EZH2: variants seen among roughly 807,000 people sequenced by gnomAD.
EZH2 encodes enhancer of zeste 2 polycomb repressive complex 2 subunit, also known as histone-lysine N-methyltransferase EZH2.
In EZH2, 18 loss-of-function variants were observed where a neutral mutation model predicts 98.4. That is an observed-to-expected ratio of 0.18 (90% CI 0.13 to 0.27). The LOEUF is 0.27. Among genes scored for constraint, EZH2 ranks in the 10% least tolerant of loss-of-function variants. The probability of loss-of-function intolerance (pLI) is 1.00; values close to 1 mark genes in which losing one functional copy is unlikely to be tolerated. For synonymous variants in EZH2, 338 were observed against 312.3 expected (o/e 1.08, Z -0.87); for missense variants, 470 against 935.1 (o/e 0.50, Z 6.49).
intron 1 of EZH2, chr7:148,883,344 A>G (rs1263527453): frequency 2.0e-5 from 3 of 152,306 alleles, no homozygotes; most frequent in Non-Finnish European, 2.9e-5. Flanking sequence ...CAGAAACACA[A>G]TCAATAGAGA....
intron 4 of EZH2, among the ~76,000 whole-genome samples, chr7:148,831,872 T>C (rs116660167): frequency 0.011 from 1,743 of 152,336 alleles, 27 homozygotes; most frequent in African/African-American, 0.04. Context: ...AGTTTCTCTT[T>C]AGCATTTTAT....
intron 6 of EZH2, among the ~76,000 whole-genome samples, chr7:148,828,190 A>G (rs1314073863): frequency 2.0e-5 from 3 of 152,232 alleles, no homozygotes; most frequent in Admixed American, 2.0e-4. Context: ...GCTGGTGCAT[A>G]AGAAGTGATT....
intron 1 of EZH2, among the ~76,000 whole-genome samples, chr7:148,862,973 T>C (rs1326504274): frequency 1.3e-5 from 2 of 151,480 alleles, no homozygotes; most frequent in African/African-American, 4.8e-5. Flanking sequence ...TGAAAATAGT[T>C]TCTGGGAGGT....
intron 9 of EZH2, chr7:148,819,128 T>C: frequency 2.2e-6 from 1 of 454,550 alleles, no homozygotes; most frequent in Non-Finnish European, 4.4e-6. Context: ...TACCTCATAT[T>C]TTCCTAACCC....
At chr7:148,849,272 G>A (rs1815053603) in intron 1 of EZH2, among the ~76,000 whole-genome samples, 1 of 152,074 alleles carries the variant, frequency 6.6e-6, no homozygotes. Context: ...AGGTAACAAG[G>A]AACTCAATCT....
chr7:148,807,790 A>T, intron 19 of EZH2, 84 bp from the exon 20 acceptor site: 4 of 647,954 alleles, frequency 6.2e-6, no homozygotes, highest in Non-Finnish European at 1.1e-5. Context: ...CCTGCTGAAG[A>T]TAGTGGGTGC....
At chr7:148,864,898 G>C (rs1353434375) in intron 1 of EZH2, among the ~76,000 whole-genome samples, 1 of 151,902 alleles carries the variant, frequency 6.6e-6, no homozygotes, top group Non-Finnish European at 1.5e-5. Context: ...AGGCCAAGGC[G>C]GGCGAATCAC....
chr7:148,819,815 T>C (rs1163218827), intron 8 of EZH2, 128 bp from the exon 9 acceptor site: 5 of 743,734 alleles, frequency 6.7e-6, no homozygotes, highest in Non-Finnish European at 2.2e-6. Flanking sequence ...CGTTACTTCA[T>C]ACAACTTTCC....
chr7:148,850,970 T>C (rs1018589453), intron 1 of EZH2, among the ~76,000 whole-genome samples: 21 of 152,304 alleles, frequency 1.4e-4, no homozygotes, highest in Non-Finnish European at 2.5e-4. Flanking sequence ...TCTCAAAATA[T>C]CGTAACATTT....
chr7:148,819,481 T>A (rs917373972), intron 9 of EZH2, 115 bp downstream of exon 9: 5 of 757,830 alleles, frequency 6.6e-6, no homozygotes, highest in Non-Finnish European at 1.1e-5. Context: ...GCTCTGTCTA[T>A]CATATGGCCC....
intron 1 of EZH2, among the ~76,000 whole-genome samples, chr7:148,882,588 TA>T (rs1485134033): frequency 6.6e-6 from 1 of 152,238 alleles, no homozygotes; most frequent in Non-Finnish European, 1.5e-5. Flanking sequence ...ACAGTATTCC[TA>T]AACATGAATT....
At position 148,811,508 on chromosome 7, in the gene EZH2, C is replaced by T. The variant is rs919967939; in HGVS notation, c.1947+117G>A. The T allele has an allele frequency of 3.9e-6, 3 of 761,600 alleles. No homozygotes were observed. In the South Asian group the frequency reaches 5.8e-5, roughly 15 times the overall value. 47.2% of individuals were successfully genotyped at this position (761,600 alleles called of 1,614,324 possible). The stretch of plus-strand genomic sequence containing the variant: ...CATGCAGAAGTCCAGGCTGAAAAGG[C>T]AGTTTATGGCAATTCATTTCCAATC... On this transcript the variant is annotated intron_variant, in intron 16 of 19. Transcript: ENST00000320356.
intron 3 of EZH2, among the ~76,000 whole-genome samples, chr7:148,838,466 G>A (rs186980895): frequency 6.6e-6 from 1 of 152,184 alleles, no homozygotes; most frequent in East Asian, 1.9e-4. Flanking sequence ...GCTAAGTACT[G>A]GAGATCAGAA....
intron 1 of EZH2, among the ~76,000 whole-genome samples, chr7:148,881,871 T>C (rs950236162): frequency 2.3e-4 from 35 of 150,942 alleles, no homozygotes; most frequent in Middle Eastern, 3.4e-3. Context: ...GAGGCAGAGA[T>C]TGTAGTGAGC....
chr7:148,833,748 C>T (rs974756766), intron 3 of EZH2, among the ~76,000 whole-genome samples: 1 of 152,172 alleles, frequency 6.6e-6, no homozygotes, highest in Non-Finnish European at 1.5e-5. Flanking sequence ...CATTACAACA[C>T]TGTAAGATGG....
rs531471838 is a variant in EZH2, at chr7:148,833,122, A to G, written c.247-372T>C. 1.2e-4 allele frequency among the ~76,000 whole-genome samples: 18 copies of G among 152,340 alleles called. No individual in the cohort carries two copies. In the South Asian group the frequency reaches 2.9e-3, roughly 25 times the overall value. ...TACATTCCAACCACACAGAATAGTA[A>G]TATGTATACCAAATAAGCCACTTAA... On this transcript the variant is annotated intron_variant, in intron 3 of 19. Transcript: ENST00000320356.
intron 3 of EZH2, among the ~76,000 whole-genome samples, chr7:148,844,827 T>C (rs535835296): frequency 6.6e-6 from 1 of 152,294 alleles, no homozygotes; most frequent in Admixed American, 6.5e-5. Flanking sequence ...GCAATTCAAG[T>C]TGTATGTCAA....
chr7:148,856,684 G>A (rs1369976161), intron 1 of EZH2, among the ~76,000 whole-genome samples: 1 of 152,138 alleles, frequency 6.6e-6, no homozygotes, highest in African/African-American at 2.4e-5. Flanking sequence ...GAGACGGATA[G>A]GTCCGAGACT....
Position 148,846,598 on chromosome 7 carries a change from T to C in EZH2, c.118A>G (p.Ser40Gly), listed in dbSNP as rs754403133. 6 of 1,517,714 alleles carry C rather than the reference T, an allele frequency of 4.0e-6. No homozygotes were observed. Among genetic ancestry groups the C allele is most frequent in the South Asian group, 3.4e-5 (3 of 87,716 alleles). The allele number at this position is 1,517,714 out of a possible 1,614,324, so 94.0% of individuals were successfully genotyped here. A position where few individuals can be genotyped will look rare whatever the true frequency, so the allele number is the denominator to read the frequency against. ...TTCTGACGATTGGAACTAAACATACTCTTAAAAAAAAAAATGAAGGAGAGG... is the reference window on the plus strand; with the variant it reads ...TTCTGACGATTGGAACTAAACATACCCTTAAAAAAAAAAATGAAGGAGAGG... Reference protein sequence around the residue: ...KRFRRADEVKSMFSSNRQKIL... With the variant: ...KRFRRADEVKGMFSSNRQKIL... Residue 40 changes from serine to glycine, a missense_variant and splice_region_variant, in exon 3 of 20, where the codon AGT becomes GGT. Physicochemically the swap from Ser to Gly is moderately conservative, Grantham distance 56. Around this residue, in one of 6 missense-constraint regions of EZH2, gnomAD observed 79 missense variants for 122.1 expected, o/e 0.65. Transcript: ENST00000320356.
Sources: allele counts gnomAD v4.1 joint callset (sites outside exome capture counted in the v4.1 genomes callset), GRCh38; gene constraint gnomAD v4.1.1; regional missense constraint gnomAD v4.1.1; transcripts MANE v1.5; gene names NCBI Gene and HGNC (gene_info 2026-07-23, HGNC 2026-07-21).